CFAP54: variants seen among roughly 807,000 people sequenced by gnomAD.
The protein encoded by CFAP54 is cilia and flagella associated protein 54, also known as cilia- and flagella-associated protein 54.
A neutral mutation model predicts 370.4 loss-of-function variants in CFAP54; 290 were observed. The observed-to-expected ratio is 0.78, with a 90% CI of 0.71 to 0.86. The LOEUF (loss-of-function observed/expected upper bound fraction) is 0.86, where lower values mean the gene tolerates loss of function less well. CFAP54 is among the 40% of genes least tolerant of loss of function. CFAP54 has a pLI of 0.00. For missense variants in CFAP54, 3,399 were observed against 3,528.7 expected (o/e 0.96, Z 0.93); for synonymous variants, 1,206 against 1,236.5 (o/e 0.98, Z 0.52).
At chr12:96,615,551 A>C (rs1956406025) in intron 26 of CFAP54, among the ~76,000 whole-genome samples, 1 of 152,252 alleles carries the variant, frequency 6.6e-6, no homozygotes, top group Non-Finnish European at 1.5e-5. Flanking sequence ...ACAGCAAAAG[A>C]AACTACCATC....
chr12:96,854,756 T>C (rs1327614970), intron 66 of CFAP54, among the ~76,000 whole-genome samples: 1 of 152,208 alleles, frequency 6.6e-6, no homozygotes, highest in Non-Finnish European at 1.5e-5. Flanking sequence ...AATAAACTCA[T>C]TTAATCCTTG....
chr12:96,748,084 C>T (rs1958138259), intron 55 of CFAP54, among the ~76,000 whole-genome samples: 1 of 152,136 alleles, frequency 6.6e-6, no homozygotes, highest in Non-Finnish European at 1.5e-5. Flanking sequence ...GAGGCTCTTA[C>T]CTGTTTCCCT....
intron 30 of CFAP54, among the ~76,000 whole-genome samples, chr12:96,629,312 TA>T (rs781017275): frequency 3.3e-5 from 5 of 152,078 alleles, no homozygotes; most frequent in African/African-American, 1.2e-4. Flanking sequence ...ATTTTATTAT[TA>T]TTTTTTTTGA....
rs1958994321 is a variant in CFAP54, at chr12:96,817,815, A to G, written c.8998A>G (p.Ile3000Val). ...IHEKLSNLAQ[I>V]AELSLPAAPE... ...TGAGAAATTATCTAATCTTGCTCAA[A>G]TAGCTGAACTATCATTGCCAGCAGC... is the stretch of plus-strand genomic sequence containing the variant. Residue 3000 changes from isoleucine to valine, a missense_variant, in exon 65 of 68, where the codon ATA becomes GTA. Physicochemically the swap from Ile to Val is conservative, Grantham distance 29. Coordinates refer to ENST00000524981, the MANE Select transcript of CFAP54 (RefSeq NM_001306084.2). 6.6e-7 allele frequency: 1 copy of G among 1,509,296 alleles called. No homozygotes were observed. Among genetic ancestry groups the G allele is most frequent in the Non-Finnish European group, 8.8e-7 (1 of 1,131,698 alleles). The allele number at this position is 1,509,296 out of a possible 1,614,324, so 93.5% of individuals were successfully genotyped here. A position where few individuals can be genotyped will look rare whatever the true frequency, so the allele number is the denominator to read the frequency against.
At chr12:96,777,832 A>G (rs1253034289) in intron 60 of CFAP54, among the ~76,000 whole-genome samples, 1 of 152,230 alleles carries the variant, frequency 6.6e-6, no homozygotes, top group Non-Finnish European at 1.5e-5. Flanking sequence ...CCAAATGCTA[A>G]CACATTTGTT....
At chr12:96,511,173 A>C (rs891798612) in intron 4 of CFAP54, among the ~76,000 whole-genome samples, 28 of 152,040 alleles carry the variant, frequency 1.8e-4, no homozygotes, top group Admixed American at 2.6e-4. Flanking sequence ...ATTCTCTATG[A>C]AATTTAGGGT....
intron 26 of CFAP54, among the ~76,000 whole-genome samples, chr12:96,611,366 C>G (rs1053520571): frequency 2.6e-5 from 4 of 152,210 alleles, no homozygotes; most frequent in Non-Finnish European, 5.9e-5. Context: ...GAAAGGACAT[C>G]CACACCAAAA....
At chr12:96,837,866 T>C (rs1344612776) in intron 66 of CFAP54, among the ~76,000 whole-genome samples, 3 of 152,142 alleles carry the variant, frequency 2.0e-5, no homozygotes, top group Non-Finnish European at 4.4e-5. Context: ...AGACAGACAA[T>C]GACAGAAGCA....
intron 4 of CFAP54, among the ~76,000 whole-genome samples, chr12:96,511,300 C>A (rs1035548860): frequency 6.6e-6 from 1 of 151,930 alleles, no homozygotes; most frequent in Admixed American, 6.6e-5. Flanking sequence ...GGTGCAGTTG[C>A]CATTTTCTCA....
chr12:96,833,160 A>G (rs575683792), intron 66 of CFAP54, among the ~76,000 whole-genome samples: 7 of 152,234 alleles, frequency 4.6e-5, no homozygotes, highest in Non-Finnish European at 1.0e-4. Flanking sequence ...TGGAATGTCA[A>G]TAACCATTAC....
At chr12:96,585,443 C>T (rs1362443587) in intron 22 of CFAP54, among the ~76,000 whole-genome samples, 1 of 152,210 alleles carries the variant, frequency 6.6e-6, no homozygotes, top group Non-Finnish European at 1.5e-5. Context: ...TCCCTCATCT[C>T]CTTCAAGTCT....
intron 17 of CFAP54, among the ~76,000 whole-genome samples, chr12:96,562,122 A>G (rs2136408297): frequency 1.3e-5 from 2 of 152,136 alleles, no homozygotes; most frequent in East Asian, 3.9e-4. Flanking sequence ...CTAACACTAA[A>G]AGGTTTCTCC....
intron 66 of CFAP54, among the ~76,000 whole-genome samples, chr12:96,830,536 C>T (rs1959167487): frequency 6.6e-6 from 1 of 152,158 alleles, no homozygotes; most frequent in South Asian, 2.1e-4. Flanking sequence ...TTCAATTATT[C>T]ACCCATTTTA....
chr12:96,853,884 C>T (rs1959625452), intron 66 of CFAP54, among the ~76,000 whole-genome samples: 2 of 151,654 alleles, frequency 1.3e-5, no homozygotes, highest in Admixed American at 1.3e-4. Context: ...TGACAAATGA[C>T]CACTTGTCTC....
chr12:96,832,847 A>G (rs1959175065), intron 66 of CFAP54, among the ~76,000 whole-genome samples: 1 of 152,198 alleles, frequency 6.6e-6, no homozygotes, highest in Admixed American at 6.5e-5. Context: ...TCCAAGATGG[A>G]AGATGGCTTC....
chr12:96,770,484 A>G (rs1958450264), intron 60 of CFAP54, among the ~76,000 whole-genome samples: 1 of 152,216 alleles, frequency 6.6e-6, no homozygotes, highest in African/African-American at 2.4e-5. Context: ...GAAACAACAG[A>G]TGGTTCATGT....
chr12:96,626,990 A>G (rs1011059400), intron 30 of CFAP54, 51 bp downstream of exon 30: 1 of 1,207,978 alleles, frequency 8.3e-7, no homozygotes, highest in Non-Finnish European at 1.1e-6. Flanking sequence ...AAAAATGAAT[A>G]TCATTGTCAG....
chr12:96,847,301 AGCT>A (rs943829110), intron 66 of CFAP54, among the ~76,000 whole-genome samples: 1 of 151,250 alleles, frequency 6.6e-6, no homozygotes, highest in African/African-American at 2.4e-5. Context: ...TCTCCTGGTG[AGCT>A]GCCCTCCCTC....
chr12:96,577,362 A>G (rs921966246), intron 20 of CFAP54, among the ~76,000 whole-genome samples: 23 of 152,226 alleles, frequency 1.5e-4, no homozygotes, highest in African/African-American at 5.3e-4. Flanking sequence ...AAAACTTGAG[A>G]TTCAGTTTCT....
Sources: gnomAD v4.1 joint callset for allele counts (sites outside exome capture counted in the v4.1 genomes callset) on GRCh38, gnomAD v4.1.1 for gene constraint, MANE v1.5 for transcripts, NCBI Gene and HGNC (gene_info 2026-07-23, HGNC 2026-07-21) for gene names.